DLGAP4: variants seen among roughly 807,000 people sequenced by gnomAD.
The protein encoded by DLGAP4 is disks large-associated protein 4.
DLGAP4 carries 18 observed loss-of-function variants against 86.9 expected under a neutral mutation model. The ratio of observed to expected loss-of-function variants is 0.21; its 90% confidence interval spans 0.14 to 0.31. The LOEUF (loss-of-function observed/expected upper bound fraction) is 0.31, where lower values mean the gene tolerates loss of function less well. Ranked by LOEUF, DLGAP4 falls within the 10% of genes least tolerant of loss-of-function variation. DLGAP4 has a pLI of 1.00. For synonymous variants in DLGAP4, 548 were observed against 574.3 expected (o/e 0.95, Z 0.65); for missense variants, 1,085 against 1,362.6 (o/e 0.80, Z 3.21).
intron 7 of DLGAP4, among the ~76,000 whole-genome samples, chr20:36,490,861 T>C (rs2035631267): frequency 6.6e-6 from 1 of 152,050 alleles, no homozygotes; most frequent in African/African-American, 2.4e-5. Flanking sequence ...TCCTGAGTAT[T>C]TGAAGCTCTG....
At position 36,523,746 on chromosome 20, in the gene DLGAP4, C is replaced by G. The variant is rs549481732; in HGVS notation, c.2513-504C>G. 1.3e-4 allele frequency among the ~76,000 whole-genome samples: 20 copies of G among 152,286 alleles called. 1 individual carries two copies. The highest frequency in any genetic ancestry group is 4.8e-4 in the African/African-American group (20 of 41,554). On this transcript the variant is annotated intron_variant, in intron 10 of 12. Transcript: ENST00000339266. ...TGGCGCCATCTTGGCTCACTGTAAC[C>G]TCCACCCGCTGGGTTCAAATGATTC...
At chr20:36,379,863 T>C (rs2031307984) in intron 2 of DLGAP4, among the ~76,000 whole-genome samples, 1 of 152,202 alleles carries the variant, frequency 6.6e-6, no homozygotes, top group Non-Finnish European at 1.5e-5. Flanking sequence ...AACATTTGTA[T>C]AAATACCCAG....
chr20:36,326,183 C>T (rs919508733), intron 1 of DLGAP4, among the ~76,000 whole-genome samples: 2 of 152,144 alleles, frequency 1.3e-5, no homozygotes, highest in Admixed American at 6.5e-5. Flanking sequence ...TTGCAGGATG[C>T]TGTTAAAGCG....
At chr20:36,376,450 T>A (rs896314114) in intron 2 of DLGAP4, among the ~76,000 whole-genome samples, 5 of 151,938 alleles carry the variant, frequency 3.3e-5, no homozygotes, top group African/African-American at 1.2e-4. Flanking sequence ...CAGCCTGGGA[T>A]ACAGAGCAAG....
At chr20:36,374,603 G>A (rs1033197074) in intron 2 of DLGAP4, among the ~76,000 whole-genome samples, 6 of 152,234 alleles carry the variant, frequency 3.9e-5, no homozygotes, top group Admixed American at 6.5e-5. Flanking sequence ...TGTGCTGGAA[G>A]CATAGCCTGG....
chr20:36,430,261 T>C (rs1231257728), intron 2 of DLGAP4, among the ~76,000 whole-genome samples: 2 of 152,212 alleles, frequency 1.3e-5, no homozygotes, highest in African/African-American at 4.8e-5. Context: ...CGTGCCCCTG[T>C]TATTGACTCT....
At chr20:36,440,244 C>T (rs1416250867) in intron 5 of DLGAP4, among the ~76,000 whole-genome samples, 3 of 152,158 alleles carry the variant, frequency 2.0e-5, no homozygotes, top group Non-Finnish European at 4.4e-5. Flanking sequence ...CCCTGAACCT[C>T]GGTTTCCTGA....
intron 2 of DLGAP4, among the ~76,000 whole-genome samples, chr20:36,430,219 C>A (rs937345490): frequency 6.6e-6 from 1 of 152,240 alleles, no homozygotes; most frequent in Admixed American, 6.5e-5. Flanking sequence ...ATGCCACCCT[C>A]TTGTGAGCCC....
At chr20:36,509,854 G>T (rs889721184) in intron 10 of DLGAP4, among the ~76,000 whole-genome samples, 7 of 151,638 alleles carry the variant, frequency 4.6e-5, no homozygotes, top group African/African-American at 1.7e-4. Context: ...CCACATTATT[G>T]CTTGTCTTTT....
intron 5 of DLGAP4, 53 bp from the exon 6 acceptor site, chr20:36,442,674 A>C (rs2147568022): frequency 1.3e-6 from 2 of 1,587,882 alleles, no homozygotes; most frequent in Non-Finnish European, 1.7e-6. Flanking sequence ...TGAATCCCCC[A>C]CCCCAGCCCC....
intron 7 of DLGAP4, among the ~76,000 whole-genome samples, chr20:36,469,658 C>T (rs1218651791): frequency 2.0e-5 from 3 of 149,940 alleles, no homozygotes; most frequent in Non-Finnish European, 3.0e-5. Flanking sequence ...GAGGCTGAGG[C>T]GGGAGAATTG....
At chr20:36,338,399 T>TA (rs1162103754) in intron 1 of DLGAP4, among the ~76,000 whole-genome samples, 40 of 150,938 alleles carry the variant, frequency 2.7e-4, no homozygotes, top group African/African-American at 6.1e-4. Flanking sequence ...CTGTCTCTAC[T>TA]AAAAAAAAAC....
chr20:36,444,779 C>T (rs1428918278), intron 6 of DLGAP4, among the ~76,000 whole-genome samples: 1 of 151,844 alleles, frequency 6.6e-6, no homozygotes, highest in East Asian at 1.9e-4. Context: ...TAGCTGGCAC[C>T]ACAGGCATGT....
intron 1 of DLGAP4, among the ~76,000 whole-genome samples, chr20:36,316,721 G>A (rs1391222096): frequency 6.6e-6 from 1 of 151,900 alleles, no homozygotes; most frequent in South Asian, 2.1e-4. Context: ...CCCTTCAGCA[G>A]TGCTCCCAAG....
At chr20:36,477,942 GT>G (rs2035018890) in intron 7 of DLGAP4, among the ~76,000 whole-genome samples, 2 of 152,182 alleles carry the variant, frequency 1.3e-5, no homozygotes, top group South Asian at 4.1e-4. Context: ...GCTTTTTAAG[GT>G]TTCTTGTTGG....
rs1349905385 is a variant in DLGAP4 at position 36,510,669 on chromosome 20, C to T, written c.2512+10058C>T. On this transcript the variant is annotated intron_variant, in intron 10 of 12. Coordinates refer to ENST00000339266, the MANE Select transcript of DLGAP4 (RefSeq NM_001365621.2). ...CAAGTGATCCGCCTGCCTCGGCCTC[C>T]CAAAGTCCTAGGATTACAGGTGTGA... Among the ~76,000 whole-genome samples the T allele has an allele frequency of 2.0e-5, 3 of 152,090 alleles. No homozygotes were observed. In the East Asian group the frequency reaches 5.8e-4, roughly 29 times the overall value.
intron 11 of DLGAP4, among the ~76,000 whole-genome samples, chr20:36,525,242 A>AAAAAAAAAAAAAAAAAAAAAAC (rs2037657256): frequency 9.1e-6 from 1 of 109,996 alleles, no homozygotes; most frequent in African/African-American, 3.1e-5. Flanking sequence ...AAAAAAAAAA[A>AAAAAAAAAAAAAAAAAAAAAAC]AAAAAAAAAA....
intron 2 of DLGAP4, among the ~76,000 whole-genome samples, chr20:36,416,082 C>T (rs908561753): frequency 2.0e-5 from 3 of 152,102 alleles, no homozygotes; most frequent in South Asian, 2.1e-4. Context: ...TTGGGATGAG[C>T]GTATAATTCA....
At chr20:36,364,491 C>T (rs1429992779) in intron 1 of DLGAP4, among the ~76,000 whole-genome samples, 2 of 152,204 alleles carry the variant, frequency 1.3e-5, no homozygotes, top group African/African-American at 4.8e-5. Flanking sequence ...TCTGTTACCA[C>T]AATCCATTTT....
Sources: gnomAD v4.1 joint callset for allele counts (sites outside exome capture counted in the v4.1 genomes callset) on GRCh38, gnomAD v4.1.1 for gene constraint, MANE v1.5 for transcripts, NCBI Gene and HGNC (gene_info 2026-07-23, HGNC 2026-07-21) for gene names.